Variants in ZFYVE9 observed in about 807,000 individuals in gnomAD.
The protein encoded by ZFYVE9 is zinc finger FYVE-type containing 9, also known as zinc finger FYVE domain-containing protein 9.
Under a neutral mutation model 126.7 loss-of-function variants are expected in ZFYVE9, and 43 were observed. That is an observed-to-expected ratio of 0.34 (90% CI 0.27 to 0.44). The LOEUF (loss-of-function observed/expected upper bound fraction) is 0.44, where lower values mean the gene tolerates loss of function less well. Among genes scored for constraint, ZFYVE9 ranks in the 20% least tolerant of loss-of-function variants. The pLI is 1.00. For synonymous variants in ZFYVE9, 521 were observed against 597.4 expected (o/e 0.87, Z 1.87); for missense variants, 1,476 against 1,697.0 (o/e 0.87, Z 2.29).
chr1:52,242,370 T>TAG (rs1220540781), intron 4 of ZFYVE9, among the ~76,000 whole-genome samples: 1 of 152,226 alleles, frequency 6.6e-6, no homozygotes, highest in Non-Finnish European at 1.5e-5. Context: ...ATTTATGTCT[T>TAG]ATCTAAGTTT....
intron 5 of ZFYVE9, among the ~76,000 whole-genome samples, chr1:52,264,500 G>A (rs1434250164): frequency 6.6e-6 from 1 of 152,142 alleles, no homozygotes; most frequent in Non-Finnish European, 1.5e-5. Context: ...TCTTTTGCTG[G>A]ACTGGAAATG....
At chr1:52,205,282 C>G (rs936340588) in intron 1 of ZFYVE9, among the ~76,000 whole-genome samples, 1 of 151,838 alleles carries the variant, frequency 6.6e-6, no homozygotes, top group Non-Finnish European at 1.5e-5. Flanking sequence ...GCAAAGTGGC[C>G]CAAGCTGATC....
intron 14 of ZFYVE9, 61 bp from the exon 15 acceptor site, chr1:52,334,627 T>G: frequency 6.5e-7 from 1 of 1,535,238 alleles, no homozygotes. Flanking sequence ...TATTTTGTTA[T>G]TATTTTCAAT....
intron 1 of ZFYVE9, among the ~76,000 whole-genome samples, chr1:52,164,092 T>C (rs72892201): frequency 4.2e-4 from 64 of 151,392 alleles, no homozygotes; most frequent in African/African-American, 1.5e-3. Context: ...GCTGGGACTA[T>C]AGATGCGCAC....
At position 52,178,219 on chromosome 1, in the gene ZFYVE9, C is replaced by T. The variant is rs1422567042; in HGVS notation, c.-143+35816C>T. 3.8e-4 allele frequency among the ~76,000 whole-genome samples: 49 copies of T among 130,660 alleles called. No homozygotes were observed. The Admixed American group carries it at 4.3e-3, about 12-fold the overall frequency. 85.7% of individuals were successfully genotyped at this position (130,660 alleles called of 152,430 possible). On this transcript the variant is annotated intron_variant, in intron 1 of 18. Transcript: ENST00000287727. ...GCATGAACCTGGGAGGTGGAGCTTG[C>T]AGTGAGCCCAGATCCCGCCACTGCA...
In ZFYVE9 at chr1:52,334,375, G is replaced by A. The variant is rs185176736; in HGVS notation, c.3590-313G>A. The stretch of plus-strand genomic sequence containing the variant: ...AAATTTTATTTACAAAAGCAGGCTG[G>A]AGGCCAGGCAGGCTATAGCTTGCCA... On this transcript the variant is annotated intron_variant, in intron 14 of 18. Transcript: ENST00000287727. Among the ~76,000 whole-genome samples the A allele has an allele frequency of 8.5e-5, 13 of 152,316 alleles. No homozygotes were observed. The East Asian group carries it at 2.3e-3, about 27-fold the overall frequency.
intron 7 of ZFYVE9, among the ~76,000 whole-genome samples, chr1:52,273,098 C>T (rs1387976905): frequency 6.6e-6 from 1 of 152,146 alleles, no homozygotes; most frequent in East Asian, 1.9e-4. Context: ...CCTCCGCCTC[C>T]TGGGTTCAAG....
chr1:52,223,226 C>A (rs1645140450), intron 2 of ZFYVE9, among the ~76,000 whole-genome samples: 1 of 152,074 alleles, frequency 6.6e-6, no homozygotes, highest in African/African-American at 2.4e-5. Flanking sequence ...TCAGGACATT[C>A]CCTCTTAAAA....
intron 1 of ZFYVE9, among the ~76,000 whole-genome samples, chr1:52,209,728 A>T (rs1391442044): frequency 6.6e-6 from 1 of 152,190 alleles, no homozygotes; most frequent in Non-Finnish European, 1.5e-5. Flanking sequence ...GTTGATCAAG[A>T]TGACTACTGC....
chr1:52,257,756 CG>C (rs1557485327), intron 4 of ZFYVE9, among the ~76,000 whole-genome samples: 1 of 152,070 alleles, frequency 6.6e-6, no homozygotes, highest in Non-Finnish European at 1.5e-5. Context: ...TTTTTTGAGA[CG>C]GGGTTTCGCT....
chr1:52,302,233 A>G (rs756958644), intron 12 of ZFYVE9, among the ~76,000 whole-genome samples: 1 of 151,930 alleles, frequency 6.6e-6, no homozygotes, highest in African/African-American at 2.4e-5. Context: ...TGATTTTACC[A>G]GTTGGGTGCT....
At chr1:52,263,143 G>A (rs1156891705) in intron 4 of ZFYVE9, among the ~76,000 whole-genome samples, 2 of 151,898 alleles carry the variant, frequency 1.3e-5, no homozygotes, top group East Asian at 1.9e-4. Flanking sequence ...GTTGCCTGGT[G>A]TAGAGGGGAG....
chr1:52,188,791 CT>C lies in ZFYVE9; in HGVS notation c.-142-27569del, dbSNP rs775709586. 3.3e-4 allele frequency among the ~76,000 whole-genome samples: 49 copies of C among 150,684 alleles called. No homozygotes were observed. The East Asian group carries it at 5.0e-3, about 16-fold the overall frequency. On this transcript the variant is annotated intron_variant, in intron 1 of 18. Transcript: ENST00000287727. ...GTTTTAGTTCTTGTTTTTAAGATAG[CT>C]TTTTTTTTATGTTTTTAAGATAGCT...
chr1:52,277,332 G>A (rs1645757680), intron 8 of ZFYVE9, among the ~76,000 whole-genome samples: 1 of 152,110 alleles, frequency 6.6e-6, no homozygotes, highest in South Asian at 2.1e-4. Flanking sequence ...CTACTCTGTT[G>A]TTAAAAAGAG....
chr1:52,304,333 G>C (rs1175794127), intron 13 of ZFYVE9, among the ~76,000 whole-genome samples: 2 of 151,892 alleles, frequency 1.3e-5, no homozygotes, highest in African/African-American at 4.8e-5. Flanking sequence ...TGTGATCTCA[G>C]CTCACTGCAA....
rs61751750 is a variant in ZFYVE9 at position 52,238,804 on chromosome 1, T to G, written c.1387T>G (p.Ser463Ala). The G allele has an allele frequency of 1.8e-5, 29 of 1,614,024 alleles. No individual in the cohort carries two copies. The highest frequency in any genetic ancestry group is 4.4e-5 in the South Asian group (4 of 91,090). The stretch of plus-strand genomic sequence containing the variant: ...TAGTGAAAGTGAAGAATGTGATTTC[T>G]CCACTGTTATAGACACACCAGCAGC... ...CISESEECDFSTVIDTPAANY... is the reference protein window; with the variant it reads ...CISESEECDFATVIDTPAANY... The change falls in exon 4 of 19, where the codon TCC becomes GCC. Residue 463 changes from serine (S) to alanine (A), a missense_variant. This residue lies in a region of ZFYVE9 where 807 missense variants were observed against 794.6 expected (regional missense o/e 1.02). Transcript: ENST00000287727.
intron 1 of ZFYVE9, among the ~76,000 whole-genome samples, chr1:52,194,888 T>G (rs956922832): frequency 2.6e-5 from 4 of 152,192 alleles, no homozygotes; most frequent in African/African-American, 9.6e-5. Flanking sequence ...ATTCAGCTAT[T>G]TAAAAAGACA....
rs142380803 is a variant in ZFYVE9, at chr1:52,263,964, A to G, written c.2278+92A>G. The stretch of plus-strand genomic sequence containing the variant: ...TTTTTTCCCCCTGCCTTTCTTTACA[A>G]GTTGCTCACCTTCTCAAATGTCATA... On this transcript the variant is annotated intron_variant, in intron 5 of 18. Transcript: ENST00000287727. 161 of 694,534 alleles carry G rather than the reference A, an allele frequency of 2.3e-4. 1 individual carries two copies. In the African/African-American group the frequency reaches 2.9e-3, roughly 12 times the overall value. The allele number at this position is 694,534 out of a possible 1,614,324, so 43.0% of individuals were successfully genotyped here.
At chr1:52,236,790 C>CT (rs1417792495) in intron 3 of ZFYVE9, among the ~76,000 whole-genome samples, 2 of 152,046 alleles carry the variant, frequency 1.3e-5, no homozygotes, top group Non-Finnish European at 2.9e-5. Context: ...CTGTGGCAAA[C>CT]TTTTTTTAAC....
Sources: gnomAD v4.1 joint callset for allele counts (sites outside exome capture counted in the v4.1 genomes callset) on GRCh38, gnomAD v4.1.1 for gene constraint, gnomAD v4.1.1 regional missense constraint, MANE v1.5 for transcripts, NCBI Gene and HGNC (gene_info 2026-07-23, HGNC 2026-07-21) for gene names.